CDH2: variants seen among roughly 807,000 people sequenced by gnomAD.
CDH2 encodes the protein cadherin-2.
Under a neutral mutation model 92.0 loss-of-function variants are expected in CDH2, and 17 were observed. The observed-to-expected ratio is 0.18, with a 90% confidence interval of 0.13 to 0.28. The LOEUF (loss-of-function observed/expected upper bound fraction) is 0.28. Among genes scored for constraint, CDH2 ranks in the 10% least tolerant of loss-of-function variants. The pLI is 1.00. For missense variants in CDH2, 862 were observed against 1,133.1 expected, an observed-to-expected ratio of 0.76 and a Z score of 3.44; for synonymous variants, 419 against 415.9, an observed-to-expected ratio of 1.01 and a Z score of -0.09.
intron 7 of CDH2, among the ~76,000 whole-genome samples, chr18:27,996,001 G>C (rs1320396561): frequency 6.6e-6 from 1 of 152,134 alleles, no homozygotes; most frequent in East Asian, 1.9e-4. Flanking sequence ...ATTCCGTTAA[G>C]TGTTCGACTT....
chr18:28,010,883 C>T (rs1388862050), intron 4 of CDH2, among the ~76,000 whole-genome samples: 2 of 150,836 alleles, frequency 1.3e-5, no homozygotes, highest in African/African-American at 4.9e-5. Flanking sequence ...ATCTCCTGAC[C>T]TCGTGATCTG....
intron 15 of CDH2, chr18:27,959,432 G>A (rs1428206485): frequency 1.3e-5 from 2 of 152,170 alleles, no homozygotes; most frequent in African/African-American, 4.8e-5. Context: ...TTGGTGCTCT[G>A]CTAAATCAAA....
intron 2 of CDH2, among the ~76,000 whole-genome samples, chr18:28,099,357 C>CT (rs2015190393): frequency 6.6e-6 from 1 of 152,108 alleles, no homozygotes; most frequent in South Asian, 2.1e-4. Context: ...GTCAAGAGGA[C>CT]TTTAACTTTC....
chr18:28,151,339 G>A (rs2016118231), intron 1 of CDH2, among the ~76,000 whole-genome samples: 1 of 152,152 alleles, frequency 6.6e-6, no homozygotes, highest in African/African-American at 2.4e-5. Flanking sequence ...GGCTACTAGT[G>A]GCTACTGGCT....
intron 4 of CDH2, 139 bp from the exon 5 acceptor site, chr18:28,010,011 A>G: frequency 1.8e-6 from 1 of 553,656 alleles, no homozygotes. Context: ...AAACTCTCCT[A>G]GTGCCTGTTC....
intron 2 of CDH2, among the ~76,000 whole-genome samples, chr18:28,082,640 A>G (rs1390792881): frequency 6.6e-6 from 1 of 152,222 alleles, no homozygotes; most frequent in Admixed American, 6.5e-5. Context: ...CCTATTTTAT[A>G]TTAGATCATA....
At chr18:28,125,004 G>C (rs1257716523) in intron 2 of CDH2, among the ~76,000 whole-genome samples, 1 of 152,214 alleles carries the variant, frequency 6.6e-6, no homozygotes, top group East Asian at 1.9e-4. Context: ...CTTTATCAGA[G>C]AAGACTACAG....
chr18:28,176,950 G>T lies in CDH2; in HGVS notation c.60+13C>A, dbSNP rs768210545. 4 of 1,316,192 alleles carry T rather than the reference G, an allele frequency of 3.0e-6. No individual in the cohort carries two copies. The African/African-American group carries it at 4.6e-5, about 15-fold the overall frequency. 81.5% of individuals were successfully genotyped at this position (1,316,192 alleles called of 1,614,324 possible). A position where few individuals can be genotyped will look rare whatever the true frequency, so the allele number is the denominator to read the frequency against. Reference sequence around the variant, plus strand: ...CCCCGCCCGTGGCCCGGCCCGCGGGGACCGCCGCGTACCTGAAGCAGGGCC... The same window carrying T: ...CCCCGCCCGTGGCCCGGCCCGCGGGTACCGCCGCGTACCTGAAGCAGGGCC... On this transcript the variant is annotated intron_variant, in intron 1 of 15. Transcript: ENST00000269141.
chr18:27,937,250 T>C (rs556331803), intron 6 of CDH2, among the ~76,000 whole-genome samples: 14 of 152,314 alleles, frequency 9.2e-5, no homozygotes, highest in African/African-American at 3.1e-4. Context: ...CATTTTATTA[T>C]AATTAAAATA....
chr18:28,102,546 A>C (rs1405685519), intron 2 of CDH2, among the ~76,000 whole-genome samples: 1 of 152,184 alleles, frequency 6.6e-6, no homozygotes, highest in Non-Finnish European at 1.5e-5. Flanking sequence ...AGTGACTGAC[A>C]GTAGTTGGTG....
At chr18:28,078,365 A>C (rs988427210) in intron 2 of CDH2, among the ~76,000 whole-genome samples, 15 of 152,124 alleles carry the variant, frequency 9.9e-5, no homozygotes, top group African/African-American at 3.1e-4. Flanking sequence ...CATTAACCTC[A>C]ATGTCTTGAT....
intron 1 of CDH2, among the ~76,000 whole-genome samples, chr18:28,156,488 A>C (rs4076299): frequency 0.061 from 3,795 of 61,830 alleles, 65 homozygotes; most frequent in African/African-American, 0.11. Context: ...CCAGGTACAG[A>C]ATGTCACCTT....
intron 2 of CDH2, among the ~76,000 whole-genome samples, chr18:28,117,534 T>G (rs1054719360): frequency 2.6e-5 from 4 of 152,232 alleles, no homozygotes; most frequent in Middle Eastern, 3.4e-3. Flanking sequence ...CTAGGATCAC[T>G]AGGTCACAAA....
chr18:28,144,864 TAC>T (rs1156750890), intron 2 of CDH2, among the ~76,000 whole-genome samples: 2 of 152,072 alleles, frequency 1.3e-5, no homozygotes. Context: ...ATGGAAGCTG[TAC>T]AGTTAGTTCT....
At chr18:27,948,344 T>C (rs17521881), downstream of CDH2, among the ~76,000 whole-genome samples, 742 of 152,074 alleles carry the variant, frequency 4.9e-3, 4 homozygotes, top group African/African-American at 0.016. Flanking sequence ...GACCTTTATC[T>C]AGAAATGTTT....
At chr18:27,957,986 T>C (rs972853006) in intron 15 of CDH2, among the ~76,000 whole-genome samples, 4 of 152,236 alleles carry the variant, frequency 2.6e-5, no homozygotes, top group Non-Finnish European at 5.9e-5. Context: ...TAGTTACTAA[T>C]ATGACACCAA....
chr18:27,992,554 A>G, intron 9 of CDH2, 101 bp downstream of exon 9: 1 of 984,284 alleles, frequency 1.0e-6, no homozygotes, highest in Non-Finnish European at 1.5e-6. Context: ...TGTCTGAAAG[A>G]AAAACGTCCT....
At chr18:28,005,117 A>T (rs543389218) in intron 6 of CDH2, among the ~76,000 whole-genome samples, 3 of 152,168 alleles carry the variant, frequency 2.0e-5, no homozygotes, top group African/African-American at 7.2e-5. Flanking sequence ...CCCTATACCA[A>T]CTGATTGTCT....
Position 28,063,531 on chromosome 18 carries a change from T to C in CDH2, c.173-49622A>G, listed in dbSNP as rs187226187. ...CACACCCACAACTTCAGCCCATCTCTGTCAGCCATTGTGTAGAGCACTAAA... is the reference window on the plus strand; with the variant it reads ...CACACCCACAACTTCAGCCCATCTCCGTCAGCCATTGTGTAGAGCACTAAA... On this transcript the variant is annotated intron_variant, in intron 2 of 15. Transcript: ENST00000269141. Among the ~76,000 whole-genome samples, 448 of 152,338 alleles carry C rather than the reference T, an allele frequency of 2.9e-3. 3 individuals are homozygous for C. Among genetic ancestry groups the C allele is most frequent in the African/African-American group, 0.01 (434 of 41,586 alleles).
Sources: gnomAD v4.1 joint callset for allele counts (sites outside exome capture counted in the v4.1 genomes callset) on GRCh38, gnomAD v4.1.1 for gene constraint, MANE v1.5 for transcripts, NCBI Gene and HGNC (gene_info 2026-07-23, HGNC 2026-07-21) for gene names.